Variants in XKR6 observed in about 807,000 individuals in gnomAD.
XKR6 encodes the protein XK related 6, also known as XK-related protein 6.
A neutral mutation model predicts 56.7 loss-of-function variants in XKR6; 22 were observed. The observed-to-expected ratio is 0.39, with a 90% CI of 0.28 to 0.55. The LOEUF is 0.55. XKR6 is among the 20% of genes least tolerant of loss of function. XKR6 has a pLI of 0.66. For synonymous variants in XKR6, 524 were observed against 387.8 expected (o/e 1.35, Z -4.13); for missense variants, 852 against 889.0 (o/e 0.96, Z 0.53).
chr8:11,087,160 C>G (rs1188255811), intron 1 of XKR6, among the ~76,000 whole-genome samples: 1 of 152,238 alleles, frequency 6.6e-6, no homozygotes, highest in Non-Finnish European at 1.5e-5. Flanking sequence ...CTCTTTTCCT[C>G]CTCTCCAATC....
intron 1 of XKR6, among the ~76,000 whole-genome samples, chr8:10,952,821 T>A (rs1190203509): frequency 1.3e-5 from 2 of 152,156 alleles, no homozygotes; most frequent in East Asian, 3.8e-4. Flanking sequence ...CAGGTACTGG[T>A]CTGTGGCCTG....
intron 1 of XKR6, among the ~76,000 whole-genome samples, chr8:11,132,459 C>T (rs796942414): frequency 7.2e-5 from 11 of 151,912 alleles, no homozygotes; most frequent in African/African-American, 2.7e-4. Flanking sequence ...GCCTCCCAGG[C>T]TCAACCAATT....
intron 1 of XKR6, among the ~76,000 whole-genome samples, chr8:11,039,909 G>C (rs1799243046): frequency 6.6e-6 from 1 of 152,238 alleles, no homozygotes; most frequent in South Asian, 2.1e-4. Context: ...AGCGGAACAA[G>C]CTTCCTGTCC....
At chr8:10,929,940 C>A (rs1801007986) in intron 1 of XKR6, among the ~76,000 whole-genome samples, 1 of 152,220 alleles carries the variant, frequency 6.6e-6, no homozygotes, top group Non-Finnish European at 1.5e-5. Context: ...TTCCCTCCAG[C>A]AGAAGTATCT....
intron 1 of XKR6, among the ~76,000 whole-genome samples, chr8:10,965,079 G>C (rs1432745066): frequency 6.6e-6 from 1 of 152,202 alleles, no homozygotes; most frequent in East Asian, 1.9e-4. Context: ...TGCTTGTTGG[G>C]CTCTCAGCTT....
chr8:11,159,746 C>A (rs935146180), intron 1 of XKR6, among the ~76,000 whole-genome samples: 1 of 152,224 alleles, frequency 6.6e-6, no homozygotes, highest in Non-Finnish European at 1.5e-5. Context: ...CTGCGTATCT[C>A]TAAGTTTAGA....
At chr8:11,170,057 T>C (rs1294878614) in intron 1 of XKR6, among the ~76,000 whole-genome samples, 1 of 152,120 alleles carries the variant, frequency 6.6e-6, no homozygotes, top group Non-Finnish European at 1.5e-5. Flanking sequence ...AGATCTAAGT[T>C]GAACAAGTTT....
intron 1 of XKR6, among the ~76,000 whole-genome samples, chr8:11,173,740 G>A (rs1802504917): frequency 6.6e-6 from 1 of 152,080 alleles, no homozygotes; most frequent in African/African-American, 2.4e-5. Flanking sequence ...CCTGTTTAAG[G>A]GTTTTCTTCT....
At chr8:10,971,795 G>A (rs775389336) in intron 1 of XKR6, among the ~76,000 whole-genome samples, 9 of 152,298 alleles carry the variant, frequency 5.9e-5, no homozygotes, top group African/African-American at 2.2e-4. Flanking sequence ...CCACCACCTC[G>A]TCCTCTTGCT....
At chr8:11,107,959 C>G in intron 1 of XKR6, 1 of 300,760 alleles carries the variant, frequency 3.3e-6, no homozygotes, top group Admixed American at 5.1e-5. Flanking sequence ...TGATGATGCT[C>G]TTCCATCTCT....
chr8:10,972,209 G>C (rs1431582484), intron 1 of XKR6, among the ~76,000 whole-genome samples: 3 of 152,074 alleles, frequency 2.0e-5, no homozygotes, highest in South Asian at 2.1e-4. Flanking sequence ...GTTCTATTTT[G>C]ATTATCAGCC....
At chr8:10,984,695 G>GCTCTCTCTCTCTCTCTCTCT (rs61138077) in intron 1 of XKR6, among the ~76,000 whole-genome samples, 6 of 56,334 alleles carry the variant, frequency 1.1e-4, no homozygotes, top group Non-Finnish European at 1.8e-4. Flanking sequence ...AAAATACATG[G>GCTCTCTCTCTCTCTCTCTCT]CTCTCTCTCT....
chr8:11,075,138 G>A (rs1267998743), intron 1 of XKR6, among the ~76,000 whole-genome samples: 1 of 152,162 alleles, frequency 6.6e-6, no homozygotes, highest in East Asian at 1.9e-4. Flanking sequence ...CCCATCATGT[G>A]GGGAGCACAG....
chr8:10,946,569 G>A (rs371695197), intron 1 of XKR6, among the ~76,000 whole-genome samples: 2 of 151,822 alleles, frequency 1.3e-5, no homozygotes, highest in Non-Finnish European at 2.9e-5. Flanking sequence ...CCCTCCCCAC[G>A]GGCTATGCTG....
chr8:11,148,154 G>C (rs917554748), intron 1 of XKR6, among the ~76,000 whole-genome samples: 2 of 152,126 alleles, frequency 1.3e-5, no homozygotes, highest in African/African-American at 2.4e-5. Flanking sequence ...AGGCTGCAGA[G>C]AGCCAAGATC....
At chr8:11,108,175 G>A (rs1374815511) in intron 1 of XKR6, 1 of 422,820 alleles carries the variant, frequency 2.4e-6, no homozygotes, top group Non-Finnish European at 4.7e-6. Flanking sequence ...CATCTGTTCT[G>A]TTAAATGTCC....
intron 1 of XKR6, among the ~76,000 whole-genome samples, chr8:11,181,095 A>G (rs1268424046): frequency 6.6e-6 from 1 of 152,176 alleles, no homozygotes; most frequent in Non-Finnish European, 1.5e-5. Flanking sequence ...TGAGAGTAAC[A>G]AGTGCACTAA....
intron 1 of XKR6, among the ~76,000 whole-genome samples, chr8:11,180,814 G>A (rs1036307055): frequency 2.0e-5 from 3 of 152,196 alleles, no homozygotes; most frequent in African/African-American, 7.2e-5. Flanking sequence ...GGCTGAGGCA[G>A]GAGGAGCACA....
chr8:11,172,691 A>G (rs1802439845), intron 1 of XKR6, among the ~76,000 whole-genome samples: 1 of 152,144 alleles, frequency 6.6e-6, no homozygotes. Flanking sequence ...TTTTTCAACC[A>G]CAGAAAAAGC....
Sources: gnomAD v4.1 joint callset for allele counts (sites outside exome capture counted in the v4.1 genomes callset) on GRCh38, gnomAD v4.1.1 for gene constraint, MANE v1.5 for transcripts, NCBI Gene and HGNC (gene_info 2026-07-23, HGNC 2026-07-21) for gene names.